ZNF704: variants seen among roughly 807,000 people sequenced by gnomAD.
The protein encoded by ZNF704 is zinc finger protein 704.
ZNF704 carries 10 observed loss-of-function variants against 44.7 expected under a neutral mutation model. The observed-to-expected ratio is 0.22, with a 90% CI of 0.14 to 0.38. ZNF704 has a LOEUF of 0.38. Ranked by LOEUF, ZNF704 falls within the 10% of genes least tolerant of loss-of-function variation. The pLI, the probability that ZNF704 is intolerant of heterozygous loss-of-function variation, is 1.00. For missense variants in ZNF704, 390 were observed against 545.5 expected (o/e 0.71, Z 2.84); for synonymous variants, 211 against 207.6 (o/e 1.02, Z -0.14).
intron 5 of ZNF704, among the ~76,000 whole-genome samples, chr8:80,667,669 T>C (rs1181033156): frequency 6.6e-6 from 1 of 152,220 alleles, no homozygotes; most frequent in African/African-American, 2.4e-5. Context: ...TGGCAGAGGG[T>C]AGGTACCTAG....
At chr8:80,694,853 C>T (rs1162707763) in intron 2 of ZNF704, among the ~76,000 whole-genome samples, 1 of 152,194 alleles carries the variant, frequency 6.6e-6, no homozygotes, top group Non-Finnish European at 1.5e-5. Flanking sequence ...GCACCTTATG[C>T]TCTTTTTTAG....
At chr8:80,735,909 T>C (rs993016322) in intron 2 of ZNF704, among the ~76,000 whole-genome samples, 2 of 152,240 alleles carry the variant, frequency 1.3e-5, no homozygotes, top group Non-Finnish European at 2.9e-5. Context: ...TGCTTTGGTA[T>C]GTATGCTTTA....
At chr8:80,869,077 C>T (rs1809205059) in intron 1 of ZNF704, among the ~76,000 whole-genome samples, 1 of 152,194 alleles carries the variant, frequency 6.6e-6, no homozygotes, top group Non-Finnish European at 1.5e-5. Flanking sequence ...TCGCTCATCC[C>T]TTCTGTAGAA....
chr8:80,846,401 T>TACAC lies in ZNF704; in HGVS notation c.-21-24790_-21-24787dup, dbSNP rs33922681. ...CAGCTTTTTAAATACAGAGATTTCATACACACACACACACACACACACACA... is the reference window on the plus strand; with the variant it reads ...CAGCTTTTTAAATACAGAGATTTCATACACACACACACACACACACACACACACA... On this transcript the variant is annotated intron_variant, in intron 1 of 8. Coordinates refer to ENST00000327835, the MANE Select transcript of ZNF704 (RefSeq NM_001033723.3). Among the ~76,000 whole-genome samples, 872 of 148,504 alleles carry TACAC rather than the reference T, an allele frequency of 5.9e-3. 7 individuals carry two copies. The highest frequency in any genetic ancestry group is 0.02 in the African/African-American group (828 of 40,494).
At chr8:80,806,476 T>C (rs1348406365) in intron 2 of ZNF704, among the ~76,000 whole-genome samples, 1 of 152,222 alleles carries the variant, frequency 6.6e-6, no homozygotes, top group African/African-American at 2.4e-5. Context: ...TGAAAAGGTT[T>C]GTGTTTTTTT....
At chr8:80,806,186 A>G (rs1246791606) in intron 2 of ZNF704, among the ~76,000 whole-genome samples, 4 of 152,254 alleles carry the variant, frequency 2.6e-5, no homozygotes, top group South Asian at 4.1e-4. Flanking sequence ...TTGAAAAATC[A>G]GCTTTGAAAA....
intron 4 of ZNF704, chr8:80,673,335 G>A (rs1382843461): frequency 6.6e-6 from 1 of 152,220 alleles, no homozygotes. Flanking sequence ...AGGGCTGTTT[G>A]GAGCGAAGAC....
intron 2 of ZNF704, among the ~76,000 whole-genome samples, chr8:80,719,630 C>T (rs1475004911): frequency 1.3e-5 from 2 of 152,140 alleles, no homozygotes; most frequent in Non-Finnish European, 2.9e-5. Context: ...CTTCTTGCTC[C>T]CATAAATCTT....
chr8:80,798,826 A>C (rs1280439349), intron 2 of ZNF704, among the ~76,000 whole-genome samples: 1 of 152,188 alleles, frequency 6.6e-6, no homozygotes, highest in Non-Finnish European at 1.5e-5. Flanking sequence ...GAATACCTGA[A>C]ACTGAATAAT....
chr8:80,837,188 T>C (rs1808597752), intron 1 of ZNF704, among the ~76,000 whole-genome samples: 1 of 152,088 alleles, frequency 6.6e-6, no homozygotes, highest in African/African-American at 2.4e-5. Flanking sequence ...GAGAAGGAAA[T>C]AGTAAACTGG....
At chr8:80,727,000 A>C (rs1364635605) in intron 2 of ZNF704, among the ~76,000 whole-genome samples, 1 of 152,172 alleles carries the variant, frequency 6.6e-6, no homozygotes, top group Non-Finnish European at 1.5e-5. Flanking sequence ...TGTTTGCAAT[A>C]ATCTTTTGAT....
At chr8:80,663,593 G>T (rs937640948) in intron 6 of ZNF704, among the ~76,000 whole-genome samples, 1 of 152,076 alleles carries the variant, frequency 6.6e-6, no homozygotes, top group Non-Finnish European at 1.5e-5. Flanking sequence ...GGTGATGCTG[G>T]CACTGTTGAT....
intron 4 of ZNF704, among the ~76,000 whole-genome samples, chr8:80,676,980 G>A (rs1818378839): frequency 6.6e-6 from 1 of 152,154 alleles, no homozygotes; most frequent in Non-Finnish European, 1.5e-5. Context: ...CGGGAGTTGG[G>A]GACCCCCGCC....
At chr8:80,676,492 T>TG (rs1818367719) in intron 4 of ZNF704, among the ~76,000 whole-genome samples, 1 of 151,942 alleles carries the variant, frequency 6.6e-6, no homozygotes, top group Non-Finnish European at 1.5e-5. Context: ...AACCAGATGG[T>TG]GGCTGCAGAT....
chr8:80,754,983 T>TA (rs1398567773), intron 2 of ZNF704, among the ~76,000 whole-genome samples: 1 of 152,092 alleles, frequency 6.6e-6, no homozygotes, highest in Non-Finnish European at 1.5e-5. Flanking sequence ...AGTAAATTAG[T>TA]AAAAAATTAA....
chr8:80,763,415 C>T (rs1474929211), intron 2 of ZNF704, among the ~76,000 whole-genome samples: 2 of 152,226 alleles, frequency 1.3e-5, no homozygotes, highest in South Asian at 2.1e-4. Flanking sequence ...AGGCTCAACA[C>T]CAAATGGAAG....
chr8:80,632,064 G>T lies in ZNF704; in HGVS notation c.*9302C>A, dbSNP rs1817595905. The T allele has an allele frequency of 6.6e-6, 1 of 152,222 alleles. No individual in the cohort carries two copies. The highest frequency in any genetic ancestry group is 1.5e-5 in the Non-Finnish European group (1 of 68,066). 9.4% of individuals were successfully genotyped at this position (152,222 alleles called of 1,614,324 possible). Reference sequence around the variant, plus strand: ...GGAAAGCAAGACTGGTAGCTAGAATGGGGACTGTTCTCTTTTAAAGCTGTT... The same window carrying T: ...GGAAAGCAAGACTGGTAGCTAGAATTGGGACTGTTCTCTTTTAAAGCTGTT... On this transcript the variant is annotated 3_prime_UTR_variant, in exon 9 of 9. Coordinates refer to ENST00000327835, the MANE Select transcript of ZNF704 (RefSeq NM_001033723.3).
At position 80,693,755 on chromosome 8, in the gene ZNF704, G is replaced by A. The variant is rs542975852; in HGVS notation, c.222-648C>T. ...TCCTAGAGTGTGAGAAGGGGAGAGC[G>A]GTGCAGAGCTAGTCAGACGGGGTCC... On this transcript the variant is annotated intron_variant, in intron 2 of 8. Transcript: ENST00000327835. 1.2e-4 allele frequency among the ~76,000 whole-genome samples: 18 copies of A among 152,252 alleles called. No individual in the cohort carries two copies. In the East Asian group the frequency reaches 2.5e-3, roughly 21 times the overall value.
intron 2 of ZNF704, among the ~76,000 whole-genome samples, chr8:80,699,422 A>G (rs1042830347): frequency 2.0e-5 from 3 of 152,198 alleles, no homozygotes; most frequent in African/African-American, 7.2e-5. Flanking sequence ...ATCAAAGGGA[A>G]GATTAGAAAG....
Sources: gnomAD v4.1 joint callset for allele counts (sites outside exome capture counted in the v4.1 genomes callset) on GRCh38, gnomAD v4.1.1 for gene constraint, MANE v1.5 for transcripts, NCBI Gene and HGNC (gene_info 2026-07-23, HGNC 2026-07-21) for gene names.